ZYX: variants seen among roughly 807,000 people sequenced by gnomAD.
The protein encoded by ZYX is zyxin, also known as zyxin-2.
A neutral mutation model predicts 58.1 loss-of-function variants in ZYX; 37 were observed. The ratio of observed to expected loss-of-function variants is 0.64; its 90% CI spans 0.49 to 0.84. The LOEUF is 0.84. ZYX is among the 40% of genes least tolerant of loss of function. The pLI is 0.00. For synonymous variants in ZYX, 324 were observed against 321.1 expected (o/e 1.01, Z -0.10); for missense variants, 762 against 761.6 (o/e 1.00, Z -0.01).
intron 5 of ZYX, 26 bp downstream of exon 5, chr7:143,383,348 T>G: frequency 1.3e-6 from 2 of 1,569,906 alleles, no homozygotes; most frequent in Non-Finnish European, 1.7e-6. Context: ...AGGACAAGGC[T>G]TGGTACCAGG....
rs543820329 is a variant in ZYX at position 143,390,706 on chromosome 7, C to T, written c.*24C>T. The T allele has an allele frequency of 5.8e-5, 89 of 1,531,238 alleles. 1 individual carries two copies. In the East Asian group the frequency reaches 1.9e-3, roughly 33 times the overall value. 94.9% of individuals were successfully genotyped at this position (1,531,238 alleles called of 1,614,324 possible). A position where few individuals can be genotyped will look rare whatever the true frequency, so the allele number is the denominator to read the frequency against. On this transcript the variant is annotated 3_prime_UTR_variant, in exon 10 of 10. Coordinates refer to ENST00000322764, the MANE Select transcript of ZYX (RefSeq NM_003461.5). This position sits in a 1 kb window ranked among gnomAD's most constrained non-coding sequence, Gnocchi z 4.3. Reference sequence around the variant, plus strand: ...GAGTGAGGACAGGCCCTCTTCAGACCGCAGTCCATGCCCCATTGTGGACCA... The same window carrying T: ...GAGTGAGGACAGGCCCTCTTCAGACTGCAGTCCATGCCCCATTGTGGACCA...
At chr7:143,381,522 G>C (rs751210249) in intron 1 of ZYX, 35 bp from the exon 2 acceptor site, 5 of 1,575,068 alleles carry the variant, frequency 3.2e-6, no homozygotes, top group African/African-American at 2.7e-5. Flanking sequence ...TCCTGAGCCC[G>C]GCTCCGCGCT....
chr7:143,381,910 T>A (rs1192310901), intron 2 of ZYX, 131 bp downstream of exon 2: 2 of 921,502 alleles, frequency 2.2e-6, no homozygotes, highest in Non-Finnish European at 3.1e-6. Flanking sequence ...CCCGAGCAGA[T>A]GTTCTTACCT....
rs1351762008 is a variant in ZYX at position 143,390,356 on chromosome 7, G to C, written c.1615-222G>C. ...GTGGGCAGGGGAGCAAGCACCTTGG[G>C]AGCAGCTCTACCCACTGCTTGCCCT... On this transcript the variant is annotated intron_variant, in intron 9 of 9. Coordinates refer to ENST00000322764, the MANE Select transcript of ZYX (RefSeq NM_003461.5). The surrounding 1 kb of genome is among the most constrained non-coding windows in gnomAD (Gnocchi z 4.3). 1.7e-6 allele frequency: 1 copy of C among 578,558 alleles called. No homozygotes were observed. Among genetic ancestry groups the C allele is most frequent in the African/African-American group, 1.9e-5 (1 of 53,372 alleles). The allele number at this position is 578,558 out of a possible 1,614,324, so 35.8% of individuals were successfully genotyped here.
Position 143,388,449 on chromosome 7 carries a change from ACTTC to A in ZYX, c.1145-35_1145-32del, listed in dbSNP as rs1436265444. The A allele has an allele frequency of 2.5e-6, 4 of 1,605,852 alleles. No individual in the cohort carries two copies. In the East Asian group the frequency reaches 6.7e-5, roughly 27 times the overall value. On this transcript the variant is annotated intron_variant, in intron 6 of 9. Coordinates refer to ENST00000322764, the MANE Select transcript of ZYX (RefSeq NM_003461.5). This position sits in a 1 kb window ranked among gnomAD's most constrained non-coding sequence, Gnocchi z 7.5. ...TGGCTGATCCCTCGCAGCTCTACAT[ACTTC>A]CTTCTATTTACTGCTGTCTTCTCTG...
In ZYX at chr7:143,387,133, G is replaced by A. The variant is rs1202609209; in HGVS notation, c.1024-1086G>A. 6.6e-6 allele frequency among the ~76,000 whole-genome samples: 1 copy of A among 152,156 alleles called. No individual in the cohort carries two copies. Among genetic ancestry groups the A allele is most frequent in the Non-Finnish European group, 1.5e-5 (1 of 68,038 alleles). ...CAGTTAAGAGATGGTAGGATCTTAA[G>A]GGAAGATGGCTAAGATCTTAAGGGA... is the stretch of plus-strand genomic sequence containing the variant. On this transcript the variant is annotated intron_variant, in intron 5 of 9. Coordinates refer to ENST00000322764, the MANE Select transcript of ZYX (RefSeq NM_003461.5). The surrounding 1 kb of genome is among the most constrained non-coding windows in gnomAD (Gnocchi z 5.8).
In ZYX at chr7:143,388,355, C is replaced by G; in HGVS notation, c.1144+16C>G. The G allele has an allele frequency of 6.2e-7, 1 of 1,613,418 alleles. No individual in the cohort carries two copies. The highest frequency in any genetic ancestry group is 8.5e-7 in the Non-Finnish European group (1 of 1,179,586). ...GCTGTCAACGGTGAGCCCACCCCAC[C>G]GGGACACCCCCACCCTGCCCCCACA... On this transcript the variant is annotated intron_variant, in intron 6 of 9. Transcript: ENST00000322764. The surrounding 1 kb of genome is among the most constrained non-coding windows in gnomAD (Gnocchi z 7.5).
At position 143,382,933 on chromosome 7, in the gene ZYX, G is replaced by T; in HGVS notation, c.634G>T (p.Val212Phe). 6.2e-7 allele frequency: 1 copy of T among 1,613,970 alleles called. No individual in the cohort carries two copies. The highest frequency in any genetic ancestry group is 8.5e-7 in the Non-Finnish European group (1 of 1,179,962). Residue 212 changes from valine to phenylalanine, a missense_variant, in exon 5 of 10, where the codon GTT (valine) becomes TTT (phenylalanine). Coordinates refer to ENST00000322764, the MANE Select transcript of ZYX (RefSeq NM_003461.5). ...TTCCAGCTCCCAGCCTCTGCCCCAGGTTCCGGCTCCGGCTCAGAGCCAGAC... is the reference window on the plus strand; with the variant it reads ...TTCCAGCTCCCAGCCTCTGCCCCAGTTTCCGGCTCCGGCTCAGAGCCAGAC... Reference protein sequence around the residue: ...SPSSSQPLPQVPAPAQSQTQF... With the variant: ...SPSSSQPLPQFPAPAQSQTQF...
Position 143,384,927 on chromosome 7 carries a change from C to T in ZYX, c.1023+1605C>T, listed in dbSNP as rs1457529087. ...CTGGGGCCGTCATTCAGCTAGAAATCCAGGGCTAGGTTTCAGGAGAGGGCC... is the reference window on the plus strand; with the variant it reads ...CTGGGGCCGTCATTCAGCTAGAAATTCAGGGCTAGGTTTCAGGAGAGGGCC... On this transcript the variant is annotated intron_variant, in intron 5 of 9. Transcript: ENST00000322764. This position sits in a 1 kb window ranked among gnomAD's most constrained non-coding sequence, Gnocchi z 4.9. Among the ~76,000 whole-genome samples, 1 of 152,112 alleles carries T rather than the reference C, an allele frequency of 6.6e-6. No individual in the cohort carries two copies. The highest frequency in any genetic ancestry group is 1.5e-5 in the Non-Finnish European group (1 of 68,026).
rs763473535 is a variant in ZYX, at chr7:143,383,062, C to T, written c.763C>T (p.Pro255Ser). 3 of 1,614,208 alleles carry T rather than the reference C, an allele frequency of 1.9e-6. No individual in the cohort carries two copies. Among genetic ancestry groups the T allele is most frequent in the Admixed American group, 3.3e-5 (2 of 60,030 alleles). The change falls in exon 5 of 10, where the codon CCC (proline) becomes TCC (serine). Residue 255 changes from proline (P) to serine (S), a missense_variant. By Grantham distance (74) the Pro-to-Ser change is moderately conservative. Coordinates refer to ENST00000322764, the MANE Select transcript of ZYX (RefSeq NM_003461.5). ...VSLANTQPRG[P>S]PASSPAPAPK... ...TTTGGCTAACACCCAGCCCCGAGGG[C>T]CCCCAGCCTCATCTCCGGCTCCAGC...
In ZYX at chr7:143,384,179, A is replaced by G. The variant is rs1390420603; in HGVS notation, c.1023+857A>G. ...CATCCAGAGTCCACTGATAGTGTTG[A>G]TGTCTACCTACACTCGGACACAGCA... On this transcript the variant is annotated intron_variant, in intron 5 of 9. Transcript: ENST00000322764. This position sits in a 1 kb window ranked among gnomAD's most constrained non-coding sequence, Gnocchi z 4.9. 2.1e-6 allele frequency: 1 copy of G among 471,748 alleles called. No individual in the cohort carries two copies. The highest frequency in any genetic ancestry group is 4.4e-6 in the Non-Finnish European group (1 of 227,166). The allele number at this position is 471,748 out of a possible 1,614,324, so 29.2% of individuals were successfully genotyped here.
rs758354630 is a variant in ZYX at position 143,382,291 on chromosome 7, T to C, written c.252T>C (p.Asp84=). 1.2e-6 allele frequency: 2 copies of C among 1,612,788 alleles called. No homozygotes were observed. Among genetic ancestry groups the C allele is most frequent in the East Asian group, 4.5e-5 (2 of 44,826 alleles). The change falls in exon 3 of 10, where the codon GAT becomes GAC. Residue 84 remains aspartate (D), a synonymous_variant. Coordinates refer to ENST00000322764, the MANE Select transcript of ZYX (RefSeq NM_003461.5). ...PPPPLAGDGD[D]AEGALGGAFP... The stretch of plus-strand genomic sequence containing the variant: ...CTCCCCTTGCTGGGGATGGCGACGA[T>C]GCAGAGGGTGCTCTGGGAGGTGCCT...
Position 143,388,195 on chromosome 7 carries a change from G to GT in ZYX, c.1024-23dup. 1 of 1,579,544 alleles carries GT rather than the reference G, an allele frequency of 6.3e-7. No individual in the cohort carries two copies. The highest frequency in any genetic ancestry group is 1.8e-4 in the Middle Eastern group (1 of 5,612). Reference sequence around the variant, plus strand: ...CTTGGAGGCAGCAGCCCTCTAGAGTGTGAGGAAAATGTTGGGATTGCAGGT... The same window carrying GT: ...CTTGGAGGCAGCAGCCCTCTAGAGTGTTGAGGAAAATGTTGGGATTGCAGGT... On this transcript the variant is annotated intron_variant, in intron 5 of 9. Coordinates refer to ENST00000322764, the MANE Select transcript of ZYX (RefSeq NM_003461.5). This position sits in a 1 kb window ranked among gnomAD's most constrained non-coding sequence, Gnocchi z 7.5.
rs1396533974 is a variant in ZYX, at chr7:143,384,203, C to A, written c.1023+881C>A. On this transcript the variant is annotated intron_variant, in intron 5 of 9. Transcript: ENST00000322764. The surrounding 1 kb of genome is among the most constrained non-coding windows in gnomAD (Gnocchi z 4.9). The stretch of plus-strand genomic sequence containing the variant: ...GATGTCTACCTACACTCGGACACAG[C>A]ATAGGAAGAAATGCCAAGGGCCAGT... 1 of 471,754 alleles carries A rather than the reference C, an allele frequency of 2.1e-6. No individual in the cohort carries two copies. The highest frequency in any genetic ancestry group is 4.4e-6 in the Non-Finnish European group (1 of 227,190). 29.2% of individuals were successfully genotyped at this position (471,754 alleles called of 1,614,324 possible).
At position 143,384,378 on chromosome 7, in the gene ZYX, A is replaced by G. The variant is rs1348953645; in HGVS notation, c.1023+1056A>G. On this transcript the variant is annotated intron_variant, in intron 5 of 9. Coordinates refer to ENST00000322764, the MANE Select transcript of ZYX (RefSeq NM_003461.5). This position sits in a 1 kb window ranked among gnomAD's most constrained non-coding sequence, Gnocchi z 4.9. ...AGAACAGAAAGTGGAAGGTTCCTGT[A>G]GGAAAATGATAGAGCTATACTTGGA... 2 of 419,700 alleles carry G rather than the reference A, an allele frequency of 4.8e-6. No individual in the cohort carries two copies. The highest frequency in any genetic ancestry group is 5.2e-5 in the Admixed American group (2 of 38,296). 26.0% of individuals were successfully genotyped at this position (419,700 alleles called of 1,614,324 possible).
At position 143,383,083 on chromosome 7, in the gene ZYX, C is replaced by G; in HGVS notation, c.784C>G (p.Pro262Ala). The G allele has an allele frequency of 6.2e-7, 1 of 1,614,244 alleles. No individual in the cohort carries two copies. The highest frequency in any genetic ancestry group is 8.5e-7 in the Non-Finnish European group (1 of 1,180,046). The change falls in exon 5 of 10, where the codon CCA becomes GCA. Residue 262 changes from proline (P) to alanine (A), a missense_variant. By Grantham distance (27) the Pro-to-Ala change is conservative. Coordinates refer to ENST00000322764, the MANE Select transcript of ZYX (RefSeq NM_003461.5). Reference protein sequence around the residue: ...PRGPPASSPAPAPKFSPVTPK... With the variant: ...PRGPPASSPAAAPKFSPVTPK... ...AGGGCCCCCAGCCTCATCTCCGGCT[C>G]CAGCCCCTAAGTTTTCTCCAGTGAC... is the stretch of plus-strand genomic sequence containing the variant.
rs1218534461 is a variant in ZYX, at chr7:143,387,982, G to C, written c.1024-237G>C. 5.1e-6 allele frequency: 3 copies of C among 592,732 alleles called. No homozygotes were observed. In the African/African-American group the frequency reaches 5.5e-5, roughly 11 times the overall value. The allele number at this position is 592,732 out of a possible 1,614,324, so 36.7% of individuals were successfully genotyped here. ...TGACTGCTCAGGGGGTTTGGGCAGA[G>C]TGGGTGGAAATGTCTTGCTGTACGA... On this transcript the variant is annotated intron_variant, in intron 5 of 9. Coordinates refer to ENST00000322764, the MANE Select transcript of ZYX (RefSeq NM_003461.5). The surrounding 1 kb of genome is among the most constrained non-coding windows in gnomAD (Gnocchi z 5.8).
rs757235429 is a variant in ZYX, at chr7:143,388,656, A to G, written c.1312A>G (p.Thr438Ala). 3 of 1,611,910 alleles carry G rather than the reference A, an allele frequency of 1.9e-6. No homozygotes were observed. The highest frequency in any genetic ancestry group is 2.5e-6 in the Non-Finnish European group (3 of 1,179,180). ...EGAPYCEGCYTDTLEKCNTCG... is the reference protein window; with the variant it reads ...EGAPYCEGCYADTLEKCNTCG... Reference sequence around the variant, plus strand: ...GGCGCCGTACTGCGAGGGCTGTTACACTGTGAGTCGGGCTGTGCTGGGCTG... The same window carrying G: ...GGCGCCGTACTGCGAGGGCTGTTACGCTGTGAGTCGGGCTGTGCTGGGCTG... Residue 438 changes from threonine (T) to alanine (A), a missense_variant and splice_region_variant, in exon 7 of 10, where the codon ACT (threonine) becomes GCT (alanine). By Grantham distance (58) the Thr-to-Ala change is moderately conservative (BLOSUM62 0). Transcript: ENST00000322764. The surrounding 1 kb of genome is among the most constrained non-coding windows in gnomAD (Gnocchi z 7.5).
Position 143,383,274 on chromosome 7 carries a change from G to C in ZYX, c.975G>C (p.Val325=), listed in dbSNP as rs1804720333. The change falls in exon 5 of 10, where the codon GTG becomes GTC. Residue 325 remains valine (V), a synonymous_variant. Coordinates refer to ENST00000322764, the MANE Select transcript of ZYX (RefSeq NM_003461.5). ...TYAQQREKPR[V]QEKQHPVPPP... is the part of the protein sequence containing the mutation. The stretch of plus-strand genomic sequence containing the variant: ...CCCAGCAGAGGGAGAAGCCCCGAGT[G>C]CAGGAGAAGCAGCACCCCGTGCCCC... The C allele has an allele frequency of 6.2e-7, 1 of 1,613,204 alleles. No homozygotes were observed. The highest frequency in any genetic ancestry group is 8.5e-7 in the Non-Finnish European group (1 of 1,179,866).
Sources: allele counts gnomAD v4.1 joint callset (sites outside exome capture counted in the v4.1 genomes callset), GRCh38; gene constraint gnomAD v4.1.1; non-coding constraint Gnocchi (gnomAD v3.1); transcripts MANE v1.5; gene names NCBI Gene and HGNC (gene_info 2026-07-23, HGNC 2026-07-21).